TEX48: variants seen among roughly 807,000 people sequenced by gnomAD.
TEX48 encodes the protein testis-expressed protein 48.
Under a neutral mutation model 13.2 loss-of-function variants are expected in TEX48, and 10 were observed. That is an observed-to-expected ratio of 0.75 (90% confidence interval 0.47 to 1.28). The LOEUF is 1.28. Among genes scored for constraint, TEX48 ranks in the 50% most tolerant of loss-of-function variants. The pLI is 0.00. For missense variants in TEX48, 116 were observed against 139.4 expected (o/e 0.83, Z 0.84); for synonymous variants, 45 against 52.3 (o/e 0.86, Z 0.60).
intron 1 of TEX48, among the ~76,000 whole-genome samples, chr9:114,676,149 CCTTTTT>C (rs1017489916): frequency 2.0e-5 from 3 of 152,084 alleles, no homozygotes; most frequent in South Asian, 4.1e-4. Flanking sequence ...TGAGCTTTTT[CCTTTTT>C]CTTTTTCTTT....
intron 1 of TEX48, among the ~76,000 whole-genome samples, chr9:114,672,808 AG>A: frequency 6.6e-6 from 1 of 152,364 alleles, no homozygotes; most frequent in Admixed American, 6.5e-5. Context: ...ATAATATGGA[AG>A]GAAGAAATGG....
At chr9:114,672,900 A>G (rs1413317587) in intron 1 of TEX48, among the ~76,000 whole-genome samples, 1 of 152,222 alleles carries the variant, frequency 6.6e-6, no homozygotes, top group Non-Finnish European at 1.5e-5. Flanking sequence ...TAGGGTTAAC[A>G]ACAGATTGGA....
At chr9:114,674,152 A>G (rs758304633) in intron 1 of TEX48, among the ~76,000 whole-genome samples, 1 of 152,066 alleles carries the variant, frequency 6.6e-6, no homozygotes, top group South Asian at 2.1e-4. Flanking sequence ...GTGGTTTTGC[A>G]TATTCCTCAG....
At chr9:114,668,081 C>T in intron 4 of TEX48, 125 bp downstream of exon 4, 1 of 1,252,822 alleles carries the variant, frequency 8.0e-7, no homozygotes, top group African/African-American at 1.5e-5. Flanking sequence ...ACTGGGGCTG[C>T]TTGATGGGAG....
Position 114,666,555 on chromosome 9 carries a change from G to T in TEX48, c.*88C>A. On this transcript the variant is annotated 3_prime_UTR_variant, in exon 5 of 5. Transcript: ENST00000436752. ...AGATGTCTTCTCCTCCTTCAGGGGA[G>T]TTTCCGAATTAGTCTTCATGACTCC... The T allele has an allele frequency of 4.2e-6, 3 of 718,022 alleles. No homozygotes were observed. Among genetic ancestry groups the T allele is most frequent in the Non-Finnish European group, 4.5e-6 (2 of 446,964 alleles). 44.5% of individuals were successfully genotyped at this position (718,022 alleles called of 1,614,324 possible).
intron 4 of TEX48, 58 bp from the exon 5 acceptor site, chr9:114,666,804 GA>G (rs1178317244): frequency 1.6e-5 from 14 of 879,306 alleles, no homozygotes; most frequent in Admixed American, 2.2e-5. Flanking sequence ...GGGCTTTGAT[GA>G]ACTGTTTTGG....
Position 114,673,631 on chromosome 9 carries a change from T to C in TEX48, c.-104-1804A>G, listed in dbSNP as rs1421719075. 2.0e-5 allele frequency among the ~76,000 whole-genome samples: 3 copies of C among 152,048 alleles called. No individual in the cohort carries two copies. The East Asian group carries it at 5.8e-4, about 29-fold the overall frequency. On this transcript the variant is annotated intron_variant, in intron 1 of 4. Coordinates refer to ENST00000436752, the MANE Select transcript of TEX48 (RefSeq NM_001199233.2). Reference sequence around the variant, plus strand: ...CATATTCCATGAAAATATCCTTCAATAATTAAGGCAAAATGAAGACATTAT... The same window carrying C: ...CATATTCCATGAAAATATCCTTCAACAATTAAGGCAAAATGAAGACATTAT...
chr9:114,678,944 A>C (rs1828132066), intron 1 of TEX48, among the ~76,000 whole-genome samples: 3 of 152,094 alleles, frequency 2.0e-5, no homozygotes, highest in Admixed American at 1.3e-4. Flanking sequence ...TCTATGCATA[A>C]TATTTTTAAG....
rs571552725 is a variant in TEX48 at position 114,670,525 on chromosome 9, G to T, written c.127+858C>A. Among the ~76,000 whole-genome samples, 22 of 148,568 alleles carry T rather than the reference G, an allele frequency of 1.5e-4. No individual in the cohort carries two copies. In the South Asian group the frequency reaches 4.1e-3, roughly 27 times the overall value. On this transcript the variant is annotated intron_variant, in intron 3 of 4. Transcript: ENST00000436752. ...TTTTCTGTCTGAAATTGTTGATTTT[G>T]ATCCCTGATCTTCTCTGCTTGATCT... is the stretch of plus-strand genomic sequence containing the variant.
intron 2 of TEX48, 86 bp downstream of exon 2, chr9:114,671,634 C>T: frequency 6.5e-7 from 1 of 1,531,020 alleles, no homozygotes; most frequent in Non-Finnish European, 8.7e-7. Flanking sequence ...TACTCCTCCC[C>T]TCTCCCAAAT....
intron 3 of TEX48, among the ~76,000 whole-genome samples, chr9:114,669,337 G>A (rs1827901367): frequency 6.6e-6 from 1 of 152,050 alleles, no homozygotes; most frequent in Admixed American, 6.6e-5. Flanking sequence ...GGAGTGCAGT[G>A]GTGCAATCAT....
intron 1 of TEX48, among the ~76,000 whole-genome samples, chr9:114,676,066 T>C (rs1322290010): frequency 6.6e-6 from 1 of 152,286 alleles, no homozygotes; most frequent in African/African-American, 2.4e-5. Flanking sequence ...TAACTCATGG[T>C]AAATGCTTAA....
At position 114,674,614 on chromosome 9, in the gene TEX48, C is replaced by CTTCT. The variant is rs1828021501; in HGVS notation, c.-104-2788_-104-2787insAGAA. Among the ~76,000 whole-genome samples the CTTCT allele has an allele frequency of 4.1e-5, 2 of 48,210 alleles. 1 individual carries two copies. The highest frequency in any genetic ancestry group is 2.1e-4 in the African/African-American group (2 of 9,552). 31.6% of individuals were successfully genotyped at this position (48,210 alleles called of 152,430 possible). A position where few individuals can be genotyped will look rare whatever the true frequency, so the allele number is the denominator to read the frequency against. On this transcript the variant is annotated intron_variant, in intron 1 of 4. Coordinates refer to ENST00000436752, the MANE Select transcript of TEX48 (RefSeq NM_001199233.2). ...TTTTCTCTTTTTCTTTCCTTCCTTC[C>CTTCT]TTCCTTCCTTCCTTCCTTCCTTCCT...
chr9:114,675,344 T>C (rs1389986339), intron 1 of TEX48, among the ~76,000 whole-genome samples: 1 of 152,206 alleles, frequency 6.6e-6, no homozygotes, highest in Non-Finnish European at 1.5e-5. Context: ...TTCTGCTCTC[T>C]GTTTACTGGT....
intron 1 of TEX48, among the ~76,000 whole-genome samples, chr9:114,675,043 G>A (rs555705700): frequency 6.6e-6 from 1 of 152,188 alleles, no homozygotes; most frequent in African/African-American, 2.4e-5. Flanking sequence ...TAAATTAGAA[G>A]TCACATGAGG....
chr9:114,680,732 A>G (rs1828180107), intron 1 of TEX48, among the ~76,000 whole-genome samples: 1 of 152,220 alleles, frequency 6.6e-6, no homozygotes. Context: ...CCACATTCCT[A>G]GGTGACGATG....
intron 1 of TEX48, among the ~76,000 whole-genome samples, chr9:114,678,288 C>T (rs949290602): frequency 1.1e-4 from 16 of 152,172 alleles, no homozygotes; most frequent in Admixed American, 3.3e-4. Context: ...TACTCCTTCC[C>T]CTGGCTGCCC....
Position 114,674,173 on chromosome 9 carries a change from A to G in TEX48, c.-104-2346T>C, listed in dbSNP as rs570512725. Among the ~76,000 whole-genome samples, 7 of 152,244 alleles carry G rather than the reference A, an allele frequency of 4.6e-5. No individual in the cohort carries two copies. In the East Asian group the frequency reaches 1.2e-3, roughly 25 times the overall value. On this transcript the variant is annotated intron_variant, in intron 1 of 4. Coordinates refer to ENST00000436752, the MANE Select transcript of TEX48 (RefSeq NM_001199233.2). The stretch of plus-strand genomic sequence containing the variant: ...TTGCATATTCCTCAGAAGAAAAACC[A>G]AAGTTCTCACCTGGGTCTTAAGATA...
intron 4 of TEX48, among the ~76,000 whole-genome samples, chr9:114,667,885 A>C (rs1226548315): frequency 7.2e-6 from 1 of 139,550 alleles, no homozygotes; most frequent in East Asian, 2.2e-4. Context: ...AAGCCTAGAC[A>C]ACAGAGGGAG....
Sources: allele counts gnomAD v4.1 joint callset (sites outside exome capture counted in the v4.1 genomes callset), GRCh38; gene constraint gnomAD v4.1.1; transcripts MANE v1.5; gene names NCBI Gene and HGNC (gene_info 2026-07-23, HGNC 2026-07-21).